The following TMEM50A variants were observed in gnomAD, a reference collection of about 807,000 sequenced individuals.
TMEM50A encodes the protein cervical cancer oncogene 9.
In TMEM50A, 8 loss-of-function variants were observed where a neutral mutation model predicts 23.9. The observed-to-expected ratio is 0.33, with a 90% CI of 0.20 to 0.60. The LOEUF (loss-of-function observed/expected upper bound fraction) is 0.60. TMEM50A is among the 20% of genes least tolerant of loss of function. The pLI, the probability that TMEM50A is intolerant of heterozygous loss-of-function variation, is 0.81. For missense variants in TMEM50A, 178 were observed against 192.7 expected, an observed-to-expected ratio of 0.92 and a Z score of 0.45; for synonymous variants, 55 against 60.4, an observed-to-expected ratio of 0.91 and a Z score of 0.41.
chr1:25,357,554 T>TGC (rs1364836403), intron 6 of TMEM50A, among the ~76,000 whole-genome samples: 1 of 147,702 alleles, frequency 6.8e-6, no homozygotes, highest in Non-Finnish European at 1.5e-5. Flanking sequence ...TGTGTGTGTG[T>TGC]GTGTGTGTTG....
intron 2 of TMEM50A, among the ~76,000 whole-genome samples, chr1:25,341,051 A>G (rs1215408539): frequency 6.6e-6 from 1 of 152,210 alleles, no homozygotes; most frequent in Admixed American, 6.5e-5. Flanking sequence ...TTTTTTTTAA[A>G]AAGCAAAAAC....
chr1:25,350,877 T>C (rs1437619962), intron 3 of TMEM50A, among the ~76,000 whole-genome samples: 2 of 151,840 alleles, frequency 1.3e-5, no homozygotes, highest in African/African-American at 4.8e-5. Context: ...CTAGAGAGTA[T>C]CTGGCTGGGC....
chr1:25,357,562 TTG>T (rs1553152308), intron 6 of TMEM50A, among the ~76,000 whole-genome samples: 21 of 132,042 alleles, frequency 1.6e-4, no homozygotes, highest in East Asian at 2.2e-4. Context: ...TGTGTGTGTG[TTG>T]TGTGTGTGTG....
intron 3 of TMEM50A, among the ~76,000 whole-genome samples, chr1:25,347,159 A>G (rs947301967): frequency 4.6e-5 from 7 of 152,048 alleles, no homozygotes; most frequent in African/African-American, 1.7e-4. Flanking sequence ...ACCCCAGAAC[A>G]TTCTCAATCA....
At chr1:25,352,039 A>G (rs920571912) in intron 4 of TMEM50A, among the ~76,000 whole-genome samples, 1 of 152,238 alleles carries the variant, frequency 6.6e-6, no homozygotes, top group African/African-American at 2.4e-5. Context: ...CTCTGTTAAC[A>G]TAATTTTAAT....
intron 3 of TMEM50A, 100 bp from the exon 4 acceptor site, chr1:25,351,526 G>T (rs1645275454): frequency 1.1e-5 from 9 of 789,694 alleles, no homozygotes; most frequent in Non-Finnish European, 1.7e-5. Flanking sequence ...AAAAAAAAAA[G>T]ACTTTCAGGC....
intron 3 of TMEM50A, among the ~76,000 whole-genome samples, chr1:25,347,052 G>A (rs183183692): frequency 6.6e-6 from 1 of 152,106 alleles, no homozygotes; most frequent in Non-Finnish European, 1.5e-5. Flanking sequence ...CGCATTTAGT[G>A]AGATACATAA....
chr1:25,347,248 T>C (rs1035673388), intron 3 of TMEM50A, among the ~76,000 whole-genome samples: 3 of 151,946 alleles, frequency 2.0e-5, no homozygotes, highest in Admixed American at 2.0e-4. Flanking sequence ...TTTTTTTTTT[T>C]CTTTTGAGAT....
intron 2 of TMEM50A, among the ~76,000 whole-genome samples, chr1:25,341,625 T>G (rs1432046013): frequency 6.6e-6 from 1 of 152,112 alleles, no homozygotes; most frequent in Non-Finnish European, 1.5e-5. Context: ...ATGATCTGTC[T>G]GCCTCGGCCT....
At chr1:25,340,602 G>A (rs1227371713) in intron 2 of TMEM50A, 23 bp downstream of exon 2, 21 of 1,594,108 alleles carry the variant, frequency 1.3e-5, no homozygotes, top group Non-Finnish European at 1.8e-5. Flanking sequence ...GATTATTTGG[G>A]CCTTATTTTT....
chr1:25,349,530 A>C (rs1297369050), intron 3 of TMEM50A, among the ~76,000 whole-genome samples: 8 of 152,246 alleles, frequency 5.3e-5, no homozygotes, highest in Non-Finnish European at 8.8e-5. Flanking sequence ...ATCACTGAAA[A>C]TAATTGAGTA....
chr1:25,359,112 G>C (rs1045385159), intron 6 of TMEM50A, among the ~76,000 whole-genome samples: 2 of 152,112 alleles, frequency 1.3e-5, no homozygotes, highest in African/African-American at 4.8e-5. Flanking sequence ...CATAGAGCAT[G>C]CAGGCAGGCA....
intron 4 of TMEM50A, 79 bp downstream of exon 4, chr1:25,351,772 C>T: frequency 1.6e-6 from 2 of 1,260,758 alleles, no homozygotes; most frequent in Admixed American, 2.2e-5. Context: ...TACCACTTTT[C>T]TATTTGTTTT....
intron 4 of TMEM50A, 79 bp downstream of exon 4, chr1:25,351,772 C>A: frequency 7.9e-7 from 1 of 1,260,760 alleles, no homozygotes; most frequent in Non-Finnish European, 1.1e-6. Context: ...TACCACTTTT[C>A]TATTTGTTTT....
intron 6 of TMEM50A, 49 bp downstream of exon 6, chr1:25,356,902 G>A (rs1487132916): frequency 5.1e-6 from 7 of 1,362,040 alleles, no homozygotes; most frequent in Non-Finnish European, 7.1e-6. Flanking sequence ...TTTTAAAATA[G>A]CTTCTTTTAT....
intron 4 of TMEM50A, among the ~76,000 whole-genome samples, chr1:25,352,575 A>C (rs1645284553): frequency 6.6e-6 from 1 of 152,128 alleles, no homozygotes; most frequent in Non-Finnish European, 1.5e-5. Context: ...ATGGTGAAAC[A>C]GATTTTATGA....
chr1:25,344,568 C>T (rs543644589), intron 3 of TMEM50A, among the ~76,000 whole-genome samples: 7 of 151,298 alleles, frequency 4.6e-5, no homozygotes, highest in South Asian at 4.2e-4. Flanking sequence ...TTAATTAAGA[C>T]GAGGTCTCAC....
chr1:25,346,301 G>A (rs1645216528), intron 3 of TMEM50A, among the ~76,000 whole-genome samples: 1 of 151,352 alleles, frequency 6.6e-6, no homozygotes, highest in Admixed American at 6.6e-5. Flanking sequence ...GCTGATGTAA[G>A]AACAAGGTTT....
chr1:25,345,407 T>C (rs1188833963), intron 3 of TMEM50A, among the ~76,000 whole-genome samples: 3 of 152,142 alleles, frequency 2.0e-5, no homozygotes, highest in Non-Finnish European at 4.4e-5. Flanking sequence ...AGTGAAACCC[T>C]GTCTCTACTA....
Sources: gnomAD v4.1 joint callset for allele counts (sites outside exome capture counted in the v4.1 genomes callset) on GRCh38, gnomAD v4.1.1 for gene constraint, MANE v1.5 for transcripts, NCBI Gene and HGNC (gene_info 2026-07-23, HGNC 2026-07-21) for gene names.